The following PPP2CB variants were observed in gnomAD, a reference collection of about 807,000 sequenced individuals.
PPP2CB encodes protein phosphatase 2 catalytic subunit beta.
In PPP2CB, 18 loss-of-function variants were observed where a neutral mutation model predicts 39.1. The ratio of observed to expected loss-of-function variants is 0.46; its 90% CI spans 0.32 to 0.68. PPP2CB has a LOEUF of 0.68. Among genes scored for constraint, PPP2CB ranks in the 30% least tolerant of loss-of-function variants. The pLI, the probability that PPP2CB is intolerant of heterozygous loss-of-function variation, is 0.04. For missense variants in PPP2CB, 226 were observed against 396.9 expected (o/e 0.57, Z 3.66); for synonymous variants, 129 against 133.8 (o/e 0.96, Z 0.25).
chr8:30,793,781 C>A, intron 5 of PPP2CB, 136 bp downstream of exon 5: 1 of 1,042,668 alleles, frequency 9.6e-7, no homozygotes. Context: ...TCCCTACTTG[C>A]TAAAACCAGC....
intron 3 of PPP2CB, 123 bp from the exon 4 acceptor site, chr8:30,794,404 T>A: frequency 1.2e-6 from 1 of 838,640 alleles, no homozygotes. Context: ...ATTTTGTCCA[T>A]CATTTTTTCT....
chr8:30,799,391 C>T (rs1806581097), intron 2 of PPP2CB, among the ~76,000 whole-genome samples, 155 bp downstream of exon 2: 1 of 152,110 alleles, frequency 6.6e-6, no homozygotes, highest in South Asian at 2.1e-4. Flanking sequence ...AGAAGTTATC[C>T]TTTTCACCTC....
chr8:30,804,910 T>C (rs1228903413), intron 1 of PPP2CB, among the ~76,000 whole-genome samples: 3 of 152,136 alleles, frequency 2.0e-5, no homozygotes, highest in Non-Finnish European at 4.4e-5. Flanking sequence ...AAAGAGTCTC[T>C]TGAATTCAAG....
At chr8:30,812,273 C>T (rs1457980375) in intron 1 of PPP2CB, 47 bp downstream of exon 1, 4 of 1,379,352 alleles carry the variant, frequency 2.9e-6, no homozygotes, top group South Asian at 2.9e-5. Context: ...AAAGCGGCGG[C>T]CCGTCCCAGC....
At chr8:30,802,737 G>A (rs1806647951) in intron 1 of PPP2CB, among the ~76,000 whole-genome samples, 1 of 152,146 alleles carries the variant, frequency 6.6e-6, no homozygotes, top group Non-Finnish European at 1.5e-5. Flanking sequence ...CCAGATGGCA[G>A]TAATTATAAA....
At chr8:30,796,994 C>T (rs754689217) in intron 3 of PPP2CB, among the ~76,000 whole-genome samples, 15 of 151,988 alleles carry the variant, frequency 9.9e-5, no homozygotes, top group African/African-American at 1.9e-4. Flanking sequence ...CAAGCACGCG[C>T]CACTATGCCT....
intron 1 of PPP2CB, among the ~76,000 whole-genome samples, chr8:30,805,164 G>A (rs1186782526): frequency 6.6e-6 from 1 of 152,202 alleles, no homozygotes; most frequent in Non-Finnish European, 1.5e-5. Context: ...CTCAAGCCAA[G>A]TCGAGAATAC....
intron 6 of PPP2CB, among the ~76,000 whole-genome samples, chr8:30,788,973 T>C (rs1806386447): frequency 6.6e-6 from 1 of 152,198 alleles, no homozygotes; most frequent in Admixed American, 6.5e-5. Flanking sequence ...TTTTGTTTAG[T>C]GACTTAGCTG....
rs564279876 is a variant in PPP2CB, at chr8:30,794,291, A to G, written c.487-10T>C. The stretch of plus-strand genomic sequence containing the variant: ...CATGGAGGCAGAATATCTATGTATG[A>G]ATTAACAAAAGAGAATGTATTTGTT... On this transcript the variant is annotated splice_polypyrimidine_tract_variant and intron_variant, in intron 3 of 6. Coordinates refer to ENST00000221138, the MANE Select transcript of PPP2CB (RefSeq NM_001009552.2). 3.8e-6 allele frequency: 6 copies of G among 1,591,952 alleles called. No individual in the cohort carries two copies. In the South Asian group the frequency reaches 6.7e-5, roughly 18 times the overall value.
chr8:30,812,439 GC>G lies in PPP2CB; in HGVS notation c.-19del. On this transcript the variant is annotated 5_prime_UTR_variant, in exon 1 of 7. Transcript: ENST00000221138. ...TCGTCCATGGCGGCCCGATCCCGAT[GC>G]GGATCCCGAGCCCCAGCCCGGCCGC... The G allele has an allele frequency of 3.3e-6, 5 of 1,505,802 alleles. No individual in the cohort carries two copies. The highest frequency in any genetic ancestry group is 4.4e-6 in the Non-Finnish European group (5 of 1,123,626). 93.3% of individuals were successfully genotyped at this position (1,505,802 alleles called of 1,614,324 possible).
intron 6 of PPP2CB, among the ~76,000 whole-genome samples, chr8:30,790,262 C>G (rs1806409211): frequency 6.6e-6 from 1 of 152,150 alleles, no homozygotes; most frequent in South Asian, 2.1e-4. Flanking sequence ...GTGGGTATGG[C>G]TAGTGCATGT....
chr8:30,807,727 G>A (rs960640733), intron 1 of PPP2CB, among the ~76,000 whole-genome samples: 3 of 152,168 alleles, frequency 2.0e-5, no homozygotes, highest in African/African-American at 2.4e-5. Context: ...AGAGTGTCCT[G>A]AGCAGTGCCA....
At chr8:30,793,444 A>G (rs1445386455) in intron 5 of PPP2CB, 1 of 152,848 alleles carries the variant, frequency 6.5e-6, no homozygotes, top group Non-Finnish European at 1.5e-5. Context: ...TTCATATTAA[A>G]TAACAGTACT....
intron 2 of PPP2CB, among the ~76,000 whole-genome samples, chr8:30,798,650 T>C (rs968776496): frequency 2.0e-5 from 3 of 152,222 alleles, no homozygotes; most frequent in African/African-American, 7.2e-5. Flanking sequence ...TGCCTGCAGT[T>C]AAGTGACCCA....
intron 1 of PPP2CB, among the ~76,000 whole-genome samples, chr8:30,804,078 C>T (rs904945851): frequency 3.9e-5 from 6 of 152,084 alleles, no homozygotes; most frequent in Non-Finnish European, 5.9e-5. Flanking sequence ...GCCTCGGCCT[C>T]CTAAAGTGCT....
intron 6 of PPP2CB, 28 bp from the exon 7 acceptor site, chr8:30,786,335 A>G (rs374710465): frequency 2.7e-5 from 41 of 1,527,100 alleles, no homozygotes; most frequent in African/African-American, 5.5e-5. Context: ...GGAAGCAAAT[A>G]AAGGATCTGA....
chr8:30,805,782 A>T (rs1806714041), intron 1 of PPP2CB, among the ~76,000 whole-genome samples: 1 of 152,204 alleles, frequency 6.6e-6, no homozygotes. Flanking sequence ...TCTCCAATGG[A>T]GTCTTCCACA....
chr8:30,804,105 G>C (rs1208370786), intron 1 of PPP2CB, among the ~76,000 whole-genome samples: 1 of 152,188 alleles, frequency 6.6e-6, no homozygotes, highest in African/African-American at 2.4e-5. Flanking sequence ...ACAGGCATAA[G>C]CCACTGTGCC....
At position 30,801,433 on chromosome 8, in the gene PPP2CB, G is replaced by A. The variant is rs565532426; in HGVS notation, c.103-1678C>T. ...TGTAGCCCCAGCTACTCAGGAGGCT[G>A]AGGCAGGAGAATATGACATGAACCT... On this transcript the variant is annotated intron_variant, in intron 1 of 6. Coordinates refer to ENST00000221138, the MANE Select transcript of PPP2CB (RefSeq NM_001009552.2). 5.9e-5 allele frequency among the ~76,000 whole-genome samples: 9 copies of A among 152,144 alleles called. No homozygotes were observed. The South Asian group carries it at 6.2e-4, about 11-fold the overall frequency.
Sources: allele counts gnomAD v4.1 joint callset (sites outside exome capture counted in the v4.1 genomes callset), GRCh38; gene constraint gnomAD v4.1.1; transcripts MANE v1.5; gene names NCBI Gene and HGNC (gene_info 2026-07-23, HGNC 2026-07-21).